Variants in CNTN5 observed in about 807,000 individuals in gnomAD.
CNTN5 encodes the protein contactin-5.
Under a neutral mutation model 129.1 loss-of-function variants are expected in CNTN5, and 77 were observed. The ratio of observed to expected loss-of-function variants is 0.60; its 90% CI spans 0.50 to 0.72. The LOEUF (loss-of-function observed/expected upper bound fraction) is 0.72, where lower values mean the gene tolerates loss of function less well. Ranked by LOEUF, CNTN5 falls within the 30% of genes least tolerant of loss-of-function variation. The pLI is 0.00. For synonymous variants in CNTN5, 509 were observed against 465.6 expected, an observed-to-expected ratio of 1.09 and a Z score of -1.20; for missense variants, 1,478 against 1,328.8, an observed-to-expected ratio of 1.11 and a Z score of -1.75.
At chr11:100,258,906 G>C (rs963273383) in intron 17 of CNTN5, among the ~76,000 whole-genome samples, 2 of 152,124 alleles carry the variant, frequency 1.3e-5, no homozygotes, top group Non-Finnish European at 2.9e-5. Context: ...AAAATAACCA[G>C]CTAGCATCAT....
chr11:99,380,427 G>C (rs1478489070), intron 2 of CNTN5, among the ~76,000 whole-genome samples: 1 of 152,114 alleles, frequency 6.6e-6, no homozygotes, highest in African/African-American at 2.4e-5. Context: ...TCATTACACT[G>C]TTTCTACTAT....
intron 3 of CNTN5, among the ~76,000 whole-genome samples, chr11:99,703,619 A>C (rs990424487): frequency 1.3e-5 from 2 of 150,952 alleles, no homozygotes; most frequent in Non-Finnish European, 3.0e-5. Flanking sequence ...CTAAATTTAC[A>C]CTGCTACCAA....
intron 7 of CNTN5, among the ~76,000 whole-genome samples, chr11:99,954,971 A>T (rs2136163029): frequency 6.6e-6 from 1 of 152,294 alleles, no homozygotes; most frequent in East Asian, 1.9e-4. Flanking sequence ...TTCTAAAAAT[A>T]CAAAACATTA....
At chr11:100,328,864 A>C (rs1951842908) in intron 21 of CNTN5, among the ~76,000 whole-genome samples, 1 of 152,234 alleles carries the variant, frequency 6.6e-6, no homozygotes, top group Non-Finnish European at 1.5e-5. Flanking sequence ...GTGAAAACTC[A>C]CATGGTGAAC....
At chr11:99,634,117 T>A (rs1212219203) in intron 3 of CNTN5, among the ~76,000 whole-genome samples, 1 of 152,146 alleles carries the variant, frequency 6.6e-6, no homozygotes, top group Admixed American at 6.5e-5. Context: ...GAAGTGGACT[T>A]GGGAGATTAA....
At chr11:100,199,672 T>C (rs766695201) in intron 15 of CNTN5, among the ~76,000 whole-genome samples, 1 of 151,920 alleles carries the variant, frequency 6.6e-6, no homozygotes, top group Non-Finnish European at 1.5e-5. Context: ...CTTCTCAAAG[T>C]AGAAATCATT....
chr11:99,188,121 TTTTATAGGTGATTAG>T (rs1200749343), intron 1 of CNTN5, among the ~76,000 whole-genome samples: 1 of 151,894 alleles, frequency 6.6e-6, no homozygotes, highest in Non-Finnish European at 1.5e-5. Context: ...AAATTATTCT[TTTTATAGGTGATTAG>T]TTATATATCA....
chr11:99,718,831 G>T (rs1943071913), intron 3 of CNTN5, among the ~76,000 whole-genome samples: 2 of 152,034 alleles, frequency 1.3e-5, no homozygotes, highest in South Asian at 4.1e-4. Context: ...TAGACTTTAA[G>T]TAACTTTTAG....
chr11:99,038,639 A>ACGC (rs1222226517), intron 1 of CNTN5, among the ~76,000 whole-genome samples: 1 of 152,108 alleles, frequency 6.6e-6, no homozygotes, highest in Non-Finnish European at 1.5e-5. Context: ...CAGTAGACCA[A>ACGC]CGCTTCTTTT....
intron 8 of CNTN5, among the ~76,000 whole-genome samples, chr11:99,960,081 A>C (rs1591483953): frequency 6.6e-6 from 1 of 152,176 alleles, no homozygotes; most frequent in African/African-American, 2.4e-5. Flanking sequence ...GTTGTTCCAT[A>C]AGGTTCTCAT....
intron 2 of CNTN5, among the ~76,000 whole-genome samples, chr11:99,426,319 T>C (rs1293466723): frequency 6.6e-6 from 1 of 152,130 alleles, no homozygotes; most frequent in African/African-American, 2.4e-5. Context: ...AAATAAGTCA[T>C]TCATTTATCC....
intron 15 of CNTN5, among the ~76,000 whole-genome samples, chr11:100,206,783 AT>A (rs1357350997): frequency 6.6e-6 from 1 of 152,020 alleles, no homozygotes; most frequent in African/African-American, 2.4e-5. Flanking sequence ...TAAACAATAA[AT>A]TTTTTTAGGA....
intron 13 of CNTN5, among the ~76,000 whole-genome samples, chr11:100,186,270 G>A (rs1048088746): frequency 6.6e-6 from 1 of 152,116 alleles, no homozygotes; most frequent in Non-Finnish European, 1.5e-5. Context: ...CTTTACTCAG[G>A]AGGCTGAGGT....
intron 2 of CNTN5, among the ~76,000 whole-genome samples, chr11:99,465,077 T>G (rs916591942): frequency 6.6e-6 from 1 of 152,284 alleles, no homozygotes; most frequent in Admixed American, 6.5e-5. Context: ...TGCAGAAAAA[T>G]GTATGCAAGA....
chr11:99,283,323 C>A lies in CNTN5; in HGVS notation c.-209-42023C>A, dbSNP rs144849356. On this transcript the variant is annotated intron_variant, in intron 1 of 24. Transcript: ENST00000524871. The stretch of plus-strand genomic sequence containing the variant: ...TAGCTAAAAATTTAGCACTTTTTCG[C>A]TAAAAATTTTAGCTAAAAATCTATG... 9.0e-3 allele frequency among the ~76,000 whole-genome samples: 1,374 copies of A among 152,130 alleles called. 9 individuals are homozygous for A. Among genetic ancestry groups the A allele is most frequent in the Non-Finnish European group, 0.013 (889 of 67,970 alleles).
At chr11:100,197,226 C>A (rs959791813) in intron 15 of CNTN5, among the ~76,000 whole-genome samples, 2 of 151,884 alleles carry the variant, frequency 1.3e-5, no homozygotes, top group Non-Finnish European at 2.9e-5. Flanking sequence ...GTATAGTAGA[C>A]AATAAGTCAC....
At chr11:100,333,408 G>GGAA (rs1425556927) in intron 21 of CNTN5, among the ~76,000 whole-genome samples, 1 of 74,272 alleles carries the variant, frequency 1.3e-5, no homozygotes, top group Non-Finnish European at 2.4e-5. Context: ...CACTGAATTA[G>GGAA]AAAAAAAAAA....
chr11:99,594,724 G>A (rs528809327), intron 3 of CNTN5, among the ~76,000 whole-genome samples: 2 of 152,272 alleles, frequency 1.3e-5, no homozygotes, highest in Admixed American at 6.5e-5. Flanking sequence ...TTGCCACACC[G>A]CTGTTAATGG....
rs772132864 is a variant in CNTN5, at chr11:100,341,252, GTTA to G, written c.3030+52_3030+54del. 10 of 1,357,440 alleles carry G rather than the reference GTTA, an allele frequency of 7.4e-6. No homozygotes were observed. The South Asian group carries it at 1.1e-4, about 14-fold the overall frequency. The allele number at this position is 1,357,440 out of a possible 1,614,324, so 84.1% of individuals were successfully genotyped here. ...TGCATAGATACTCATCTCCGAAATT[GTTA>G]TTATGAAGATGGAAAATTAATAAGG... On this transcript the variant is annotated intron_variant, in intron 23 of 24. Coordinates refer to ENST00000524871, the MANE Select transcript of CNTN5 (RefSeq NM_014361.4).
Sources: gnomAD v4.1 joint callset for allele counts (sites outside exome capture counted in the v4.1 genomes callset) on GRCh38, gnomAD v4.1.1 for gene constraint, MANE v1.5 for transcripts, NCBI Gene and HGNC (gene_info 2026-07-23, HGNC 2026-07-21) for gene names.